Variants in FGGY observed in about 807,000 individuals in gnomAD.
The protein encoded by FGGY is FGGY carbohydrate kinase domain containing.
Under a neutral mutation model 71.3 loss-of-function variants are expected in FGGY, and 72 were observed. The ratio of observed to expected loss-of-function variants is 1.01; its 90% CI spans 0.84 to 1.23. The LOEUF (loss-of-function observed/expected upper bound fraction) is 1.23. FGGY is among the 50% of genes most tolerant of loss of function. FGGY has a pLI of 0.00. For synonymous variants in FGGY, 251 were observed against 250.3 expected, an observed-to-expected ratio of 1.00 and a Z score of -0.02; for missense variants, 668 against 682.3, an observed-to-expected ratio of 0.98 and a Z score of 0.23.
chr1:59,642,798 G>A (rs572697358), intron 11 of FGGY, among the ~76,000 whole-genome samples: 4 of 152,006 alleles, frequency 2.6e-5, no homozygotes, highest in South Asian at 2.1e-4. Flanking sequence ...TTGGGAGGCC[G>A]AAGCGGATGG....
intron 8 of FGGY, among the ~76,000 whole-genome samples, chr1:59,556,129 GAGCC>G (rs938586014): frequency 6.6e-6 from 1 of 152,220 alleles, no homozygotes; most frequent in Non-Finnish European, 1.5e-5. Flanking sequence ...ACCAGCCCAG[GAGCC>G]AGCCCTTCTT....
chr1:59,667,639 C>T lies in FGGY; in HGVS notation c.1417+236C>T, dbSNP rs191121298. Among the ~76,000 whole-genome samples, 644 of 152,194 alleles carry T rather than the reference C, an allele frequency of 4.2e-3. 5 individuals are homozygous for T. Among genetic ancestry groups the T allele is most frequent in the Middle Eastern group, 0.01 (3 of 294 alleles). On this transcript the variant is annotated intron_variant, in intron 13 of 15. Coordinates refer to ENST00000303721, the MANE Select transcript of FGGY (RefSeq NM_018291.5). ...CATTGAATAATGGTGAGAAATAACA[C>T]GAGAGAAGTTGGCCAGGACTAGATC... is the stretch of plus-strand genomic sequence containing the variant.
In FGGY at chr1:59,341,121, CTGAT is replaced by C. The variant is rs1215810863; in HGVS notation, c.313+1055_313+1058del. On this transcript the variant is annotated intron_variant, in intron 3 of 15. Coordinates refer to ENST00000303721, the MANE Select transcript of FGGY (RefSeq NM_018291.5). Reference sequence around the variant, plus strand: ...GTGGAATTAGAGTTAGGCGGGGACTCTGATTGTAGCTCTGCTGTTGCTGAGCTGT... The same window carrying C: ...GTGGAATTAGAGTTAGGCGGGGACTCTGTAGCTCTGCTGTTGCTGAGCTGT... Among the ~76,000 whole-genome samples the C allele has an allele frequency of 2.6e-5, 4 of 152,186 alleles. No homozygotes were observed. The East Asian group carries it at 5.8e-4, about 22-fold the overall frequency.
At chr1:59,526,515 A>G (rs1187512907) in intron 7 of FGGY, among the ~76,000 whole-genome samples, 1 of 152,204 alleles carries the variant, frequency 6.6e-6, no homozygotes, top group Non-Finnish European at 1.5e-5. Context: ...GAAAAATCCT[A>G]ATACAACTTG....
At chr1:59,683,896 C>T (rs1311448778) in intron 14 of FGGY, among the ~76,000 whole-genome samples, 1 of 152,164 alleles carries the variant, frequency 6.6e-6, no homozygotes, top group Non-Finnish European at 1.5e-5. Context: ...TTTTTGCCCC[C>T]ATTAATGCAC....
chr1:59,630,092 G>C (rs1042171042), intron 10 of FGGY, among the ~76,000 whole-genome samples: 2 of 152,138 alleles, frequency 1.3e-5, no homozygotes, highest in Admixed American at 1.3e-4. Context: ...ATGGTGGCAA[G>C]AGAGAGAAGT....
At chr1:59,439,470 T>C (rs150692670) in intron 5 of FGGY, among the ~76,000 whole-genome samples, 292 of 152,274 alleles carry the variant, frequency 1.9e-3, no homozygotes, top group African/African-American at 6.7e-3. Context: ...AAATCATCTG[T>C]GTAATCCATT....
At chr1:59,560,085 T>C (rs911601443) in intron 8 of FGGY, among the ~76,000 whole-genome samples, 1 of 152,196 alleles carries the variant, frequency 6.6e-6, no homozygotes, top group Admixed American at 6.5e-5. Flanking sequence ...AGCATCCACG[T>C]GACAAGGTCA....
intron 5 of FGGY, among the ~76,000 whole-genome samples, chr1:59,390,885 A>G (rs2060607743): frequency 6.6e-6 from 1 of 152,234 alleles, no homozygotes; most frequent in South Asian, 2.1e-4. Context: ...TTCATTATTC[A>G]TTAATACATT....
chr1:59,586,215 G>T (rs1212685097), intron 8 of FGGY, among the ~76,000 whole-genome samples: 1 of 152,184 alleles, frequency 6.6e-6, no homozygotes, highest in Admixed American at 6.5e-5. Context: ...GCACACATAT[G>T]TTTATTGTGG....
chr1:59,513,348 GTT>G (rs2094561617), intron 7 of FGGY, among the ~76,000 whole-genome samples: 1 of 152,210 alleles, frequency 6.6e-6, no homozygotes, highest in Non-Finnish European at 1.5e-5. Flanking sequence ...GTGGAGCTGT[GTT>G]TCCATTCTGT....
At chr1:59,313,993 G>A (rs996973964) in intron 1 of FGGY, among the ~76,000 whole-genome samples, 5 of 149,888 alleles carry the variant, frequency 3.3e-5, no homozygotes, top group Admixed American at 6.7e-5. Context: ...ACAGAATCTC[G>A]CTTTGTTGTG....
At chr1:59,526,374 A>G (rs1176473298) in intron 7 of FGGY, among the ~76,000 whole-genome samples, 2 of 152,234 alleles carry the variant, frequency 1.3e-5, no homozygotes, top group African/African-American at 2.4e-5. Flanking sequence ...GATTTTTTCA[A>G]TCAGCAAATA....
Position 59,554,187 on chromosome 1 carries a change from G to T in FGGY, c.863G>T (p.Arg288Leu). Reference protein sequence around the residue: ...LICEGQPVTSRLAVICGTSSC... With the variant: ...LICEGQPVTSLLAVICGTSSC... ...TGTGAGGGGCAGCCAGTGACGTCAC[G>T]GCTGGCTGTCATCTGTGGAACGTCT... Residue 288 changes from arginine (R) to leucine (L), a missense_variant, in exon 8 of 16, where the codon CGG (arginine) becomes CTG (leucine). Around this residue, in one of 2 missense-constraint regions of FGGY, gnomAD observed 661 missense variants for 661.6 expected, o/e 1.00. Coordinates refer to ENST00000303721, the MANE Select transcript of FGGY (RefSeq NM_018291.5). The T allele has an allele frequency of 6.2e-7, 1 of 1,613,596 alleles. No homozygotes were observed. The highest frequency in any genetic ancestry group is 8.5e-7 in the Non-Finnish European group (1 of 1,179,588).
At chr1:59,468,481 A>G (rs2092762864) in intron 6 of FGGY, among the ~76,000 whole-genome samples, 1 of 152,216 alleles carries the variant, frequency 6.6e-6, no homozygotes, top group South Asian at 2.1e-4. Context: ...TAATCTTAGA[A>G]AGGTTGGGCA....
chr1:59,744,594 C>G lies in FGGY; in HGVS notation c.1513-13337C>G, dbSNP rs571881783. Among the ~76,000 whole-genome samples the G allele has an allele frequency of 4.2e-4, 64 of 152,356 alleles. 1 individual carries two copies. The highest frequency in any genetic ancestry group is 2.7e-3 in the Admixed American group (41 of 15,300). On this transcript the variant is annotated intron_variant, in intron 14 of 15. Coordinates refer to ENST00000303721, the MANE Select transcript of FGGY (RefSeq NM_018291.5). ...GCCAGTCTAGAGCCTGTGATCCTAA[C>G]TGTCTGACATCGGACAATGAAGAAT...
At chr1:59,647,176 T>C (rs772228068) in intron 11 of FGGY, among the ~76,000 whole-genome samples, 1 of 151,902 alleles carries the variant, frequency 6.6e-6, no homozygotes, top group Non-Finnish European at 1.5e-5. Context: ...AAGGATAGAG[T>C]CCATTGTGTA....
rs535380732 is a variant in FGGY, at chr1:59,499,343, C to T, written c.671-12968C>T. Reference sequence around the variant, plus strand: ...TCTGGTAACTGAGAGGATTACTAAGCGGACGACAGGGAGGTAGTGCCTACA... The same window carrying T: ...TCTGGTAACTGAGAGGATTACTAAGTGGACGACAGGGAGGTAGTGCCTACA... On this transcript the variant is annotated intron_variant, in intron 6 of 15. Transcript: ENST00000303721. Among the ~76,000 whole-genome samples the T allele has an allele frequency of 4.6e-4, 59 of 129,256 alleles. No homozygotes were observed. The South Asian group carries it at 5.2e-3, about 11-fold the overall frequency. The allele number at this position is 129,256 out of a possible 152,430, so 84.8% of individuals were successfully genotyped here.
At chr1:59,349,120 C>G (rs965575622) in intron 4 of FGGY, among the ~76,000 whole-genome samples, 1 of 152,166 alleles carries the variant, frequency 6.6e-6, no homozygotes, top group Admixed American at 6.5e-5. Context: ...GCACAGGAAA[C>G]TGATCCTAAG....
Sources: gnomAD v4.1 joint callset for allele counts (sites outside exome capture counted in the v4.1 genomes callset) on GRCh38, gnomAD v4.1.1 for gene constraint, gnomAD v4.1.1 regional missense constraint, MANE v1.5 for transcripts, NCBI Gene and HGNC (gene_info 2026-07-23, HGNC 2026-07-21) for gene names.